The following ROR1 variants were observed in gnomAD, a reference collection of about 807,000 sequenced individuals.
ROR1 encodes the protein ROR family WNT receptor 1, also known as inactive tyrosine-protein kinase transmembrane receptor ROR1.
Under a neutral mutation model 78.8 loss-of-function variants are expected in ROR1, and 19 were observed. The ratio of observed to expected loss-of-function variants is 0.24; its 90% CI spans 0.17 to 0.35. ROR1 has a LOEUF of 0.35. Among genes scored for constraint, ROR1 ranks in the 10% least tolerant of loss-of-function variants. The probability of loss-of-function intolerance (pLI) is 1.00; values close to 1 mark genes in which losing one functional copy is unlikely to be tolerated. For synonymous variants in ROR1, 386 were observed against 433.6 expected (o/e 0.89, Z 1.36); for missense variants, 917 against 1,177.8 (o/e 0.78, Z 3.24).
At chr1:64,151,373 T>C (rs1649616082) in intron 7 of ROR1, among the ~76,000 whole-genome samples, 1 of 152,124 alleles carries the variant, frequency 6.6e-6, no homozygotes, top group Admixed American at 6.5e-5. Context: ...CTGCCTTTCA[T>C]CTCTGGCAAA....
intron 5 of ROR1, among the ~76,000 whole-genome samples, chr1:64,139,024 G>T (rs1028541714): frequency 1.3e-5 from 2 of 151,928 alleles, no homozygotes; most frequent in Admixed American, 1.3e-4. Flanking sequence ...AATATCAGCT[G>T]GGTGTGGTGG....
chr1:64,089,582 G>T (rs1476192868), intron 4 of ROR1, among the ~76,000 whole-genome samples: 1 of 152,122 alleles, frequency 6.6e-6, no homozygotes, highest in Admixed American at 6.6e-5. Flanking sequence ...GAATAAAGTG[G>T]CTGGAAAGGA....
At chr1:64,161,175 T>C (rs1183635894) in intron 8 of ROR1, among the ~76,000 whole-genome samples, 2 of 152,198 alleles carry the variant, frequency 1.3e-5, no homozygotes, top group African/African-American at 2.4e-5. Flanking sequence ...ACAGCTATTA[T>C]ATAAGGCAGG....
chr1:63,976,031 A>C (rs1646157391), intron 1 of ROR1, among the ~76,000 whole-genome samples: 1 of 152,240 alleles, frequency 6.6e-6, no homozygotes, highest in African/African-American at 2.4e-5. Context: ...TTTCAAAAAC[A>C]AAGTCTATGG....
chr1:64,010,158 A>G (rs1426294947), intron 2 of ROR1, among the ~76,000 whole-genome samples: 1 of 152,052 alleles, frequency 6.6e-6, no homozygotes, highest in Non-Finnish European at 1.5e-5. Context: ...GCAACAAATT[A>G]CTTCTCCCTC....
At chr1:64,049,057 G>A (rs1646807663) in intron 2 of ROR1, among the ~76,000 whole-genome samples, 14 of 152,104 alleles carry the variant, frequency 9.2e-5, no homozygotes, top group Admixed American at 9.2e-4. Flanking sequence ...CTATATATAT[G>A]TGATCAAAAT....
chr1:63,929,855 T>C (rs1440281042), intron 1 of ROR1, among the ~76,000 whole-genome samples: 1 of 152,180 alleles, frequency 6.6e-6, no homozygotes, highest in Non-Finnish European at 1.5e-5. Context: ...AAGGAGGTTT[T>C]GGGTAACTCA....
chr1:63,794,023 T>C (rs1411219174), intron 1 of ROR1, among the ~76,000 whole-genome samples: 1 of 152,186 alleles, frequency 6.6e-6, no homozygotes, highest in Non-Finnish European at 1.5e-5. Context: ...GCAAGGGCCC[T>C]GGTTGCTGGG....
rs1553160621 is a variant in ROR1, at chr1:64,132,783, AAG to A, written c.483-4576_483-4575del. ...CTCAAAAAAAAAAAAAAAAAAAAAA[AAG>A]AGAGAGAGATAGGCATTTTAACTGA... On this transcript the variant is annotated intron_variant, in intron 4 of 8. Transcript: ENST00000371079. Among the ~76,000 whole-genome samples the A allele has an allele frequency of 4.5e-3, 615 of 136,660 alleles. 6 individuals are homozygous for A. Among genetic ancestry groups the A allele is most frequent in the African/African-American group, 0.017 (597 of 34,826 alleles). 89.7% of individuals were successfully genotyped at this position (136,660 alleles called of 152,430 possible).
chr1:64,052,572 C>A (rs1032844220), intron 4 of ROR1, among the ~76,000 whole-genome samples: 9 of 152,144 alleles, frequency 5.9e-5, no homozygotes, highest in South Asian at 2.1e-4. Flanking sequence ...AGATTTTATA[C>A]CCCTGTTGTG....
At chr1:64,088,120 C>T (rs879243993) in intron 4 of ROR1, among the ~76,000 whole-genome samples, 5 of 152,152 alleles carry the variant, frequency 3.3e-5, no homozygotes, top group Admixed American at 2.6e-4. Flanking sequence ...CCTGTGGGCA[C>T]ATTTTAGTTC....
In ROR1 at chr1:64,178,424, G is replaced by A. The variant is rs780566089; in HGVS notation, c.2383G>A (p.Gly795Ser). 3.7e-6 allele frequency: 6 copies of A among 1,613,976 alleles called. No individual in the cohort carries two copies. Among genetic ancestry groups the A allele is most frequent in the Middle Eastern group, 1.6e-4 (1 of 6,084 alleles). Residue 795 changes from glycine (G) to serine (S), a missense_variant, in exon 9 of 9, where the codon GGT (glycine) becomes AGT (serine). By Grantham distance (56) the Gly-to-Ser change is moderately conservative. Around this residue, in one of 3 missense-constraint regions of ROR1, gnomAD observed 835 missense variants for 1,069.8 expected, o/e 0.78. Coordinates refer to ENST00000371079, the MANE Select transcript of ROR1 (RefSeq NM_005012.4). This position sits in a 1 kb window ranked among gnomAD's most constrained non-coding sequence, Gnocchi z 4.3. ...RYPNYMFPSQ[G>S]ITPQGQIAGF... ...TCCTAATTACATGTTCCCGAGCCAG[G>A]GTATTACACCACAGGGCCAGATTGC...
chr1:63,976,704 G>T (rs1646164009), intron 1 of ROR1, among the ~76,000 whole-genome samples: 1 of 152,024 alleles, frequency 6.6e-6, no homozygotes, highest in Admixed American at 6.6e-5. Context: ...ACCTTCAAAT[G>T]GATATAGGAA....
chr1:63,987,407 C>T (rs1026357551), intron 1 of ROR1, among the ~76,000 whole-genome samples: 4 of 152,160 alleles, frequency 2.6e-5, no homozygotes, highest in Non-Finnish European at 5.9e-5. Context: ...GCCAACTTAA[C>T]GCACTTGGTC....
intron 7 of ROR1, among the ~76,000 whole-genome samples, chr1:64,143,599 C>T (rs1041522027): frequency 1.3e-5 from 2 of 152,084 alleles, no homozygotes; most frequent in Non-Finnish European, 2.9e-5. Context: ...CGGTGTTTAA[C>T]CAGATGATTA....
intron 4 of ROR1, among the ~76,000 whole-genome samples, chr1:64,083,541 G>A (rs936370773): frequency 1.3e-5 from 2 of 150,742 alleles, no homozygotes; most frequent in Admixed American, 1.3e-4. Context: ...GTGTGTTTTA[G>A]GAACACCTAA....
At chr1:64,144,981 A>AC (rs1490437849) in intron 7 of ROR1, among the ~76,000 whole-genome samples, 1 of 152,202 alleles carries the variant, frequency 6.6e-6, no homozygotes, top group Non-Finnish European at 1.5e-5. Flanking sequence ...ATAATGATAT[A>AC]CACTTAGGAT....
At chr1:64,002,959 C>T (rs1227381653) in intron 1 of ROR1, among the ~76,000 whole-genome samples, 1 of 152,138 alleles carries the variant, frequency 6.6e-6, no homozygotes, top group Non-Finnish European at 1.5e-5. Flanking sequence ...CCATGTGGCA[C>T]AGTTGAAGAT....
At chr1:63,971,763 C>T (rs1289961937) in intron 1 of ROR1, among the ~76,000 whole-genome samples, 13 of 152,176 alleles carry the variant, frequency 8.5e-5, no homozygotes, top group Admixed American at 4.6e-4. Flanking sequence ...GTGTGGTCAC[C>T]GGAATCACGG....
Sources: gnomAD v4.1 joint callset for allele counts (sites outside exome capture counted in the v4.1 genomes callset) on GRCh38, gnomAD v4.1.1 for gene constraint, gnomAD v4.1.1 regional missense constraint, Gnocchi (gnomAD v3.1) non-coding constraint, MANE v1.5 for transcripts, NCBI Gene and HGNC (gene_info 2026-07-23, HGNC 2026-07-21) for gene names.